Variants in FAM240C observed in about 807,000 individuals in gnomAD.
FAM240C encodes family with sequence similarity 240 member C.
FAM240C carries 14 observed loss-of-function variants against 10.0 expected under a neutral mutation model. The observed-to-expected ratio is 1.40, with a 90% CI of 0.92 to 2.19. The LOEUF (loss-of-function observed/expected upper bound fraction) is 2.19, where lower values mean the gene tolerates loss of function less well. FAM240C is among the 30% of genes most tolerant of loss of function. The probability of loss-of-function intolerance (pLI) is 0.00; values close to 1 mark genes in which losing one functional copy is unlikely to be tolerated. For missense variants in FAM240C, 154 were observed against 122.3 expected (o/e 1.26, Z -1.22); for synonymous variants, 49 against 44.3 (o/e 1.11, Z -0.42).
intron 1 of FAM240C, among the ~76,000 whole-genome samples, chr2:241,899,895 G>A (rs1338669322): frequency 1.2e-4 from 18 of 152,124 alleles, no homozygotes; most frequent in Admixed American, 9.2e-4. Context: ...GTGAAACCCC[G>A]TCTTCACTAA....
intron 1 of FAM240C, chr2:241,899,043 T>A: frequency 9.8e-7 from 1 of 1,025,230 alleles, no homozygotes; most frequent in African/African-American, 1.7e-5. Context: ...GAACACAGGG[T>A]GGCAGGAGCG....
At position 241,894,585 on chromosome 2, in the gene FAM240C, G is replaced by A. The variant is rs889010788; in HGVS notation, c.162-246C>T. 2.8e-5 allele frequency among the ~76,000 whole-genome samples: 4 copies of A among 141,474 alleles called. 1 individual carries two copies. The highest frequency in any genetic ancestry group is 6.3e-5 in the Non-Finnish European group (4 of 63,286). 92.8% of individuals were successfully genotyped at this position (141,474 alleles called of 152,430 possible). On this transcript the variant is annotated intron_variant, in intron 2 of 2. Coordinates refer to ENST00000404031, the MANE Select transcript of FAM240C (RefSeq NM_001382368.1). ...GACCAGTGGTTGGTGGGGGGGGGGGGGGGCGTCTCACTCAGGACCCTCCTC... is the reference window on the plus strand; with the variant it reads ...GACCAGTGGTTGGTGGGGGGGGGGGAGGGCGTCTCACTCAGGACCCTCCTC...
At chr2:241,896,386 A>G (rs948002359) in intron 2 of FAM240C, among the ~76,000 whole-genome samples, 2 of 151,938 alleles carry the variant, frequency 1.3e-5, no homozygotes, top group Non-Finnish European at 2.9e-5. Context: ...CAGATACGTC[A>G]CTCAAGGGCA....
At chr2:241,898,189 T>C (rs1013067855) in intron 1 of FAM240C, among the ~76,000 whole-genome samples, 16 of 152,230 alleles carry the variant, frequency 1.1e-4, no homozygotes, top group African/African-American at 3.4e-4. Flanking sequence ...AATGTTTACT[T>C]TCCAATTATT....
intron 1 of FAM240C, among the ~76,000 whole-genome samples, chr2:241,898,265 C>G (rs1016010079): frequency 1.3e-5 from 2 of 152,146 alleles, no homozygotes; most frequent in African/African-American, 4.8e-5. Flanking sequence ...TCAAGAATGT[C>G]CAAGGCCGGG....
At chr2:241,897,369 C>G (rs1701876848) in intron 1 of FAM240C, 35 bp from the exon 2 acceptor site, 11 of 1,543,194 alleles carry the variant, frequency 7.1e-6, no homozygotes, top group Admixed American at 2.0e-5. Flanking sequence ...GCTCAGTCAC[C>G]TTATGCCATT....
chr2:241,897,295 C>T lies in FAM240C; in HGVS notation c.52G>A (p.Val18Ile), dbSNP rs1378173771. The change falls in exon 2 of 3, where the codon GTA (valine) becomes ATA (isoleucine). Residue 18 changes from valine (V) to isoleucine (I), a missense_variant. Coordinates refer to ENST00000404031, the MANE Select transcript of FAM240C (RefSeq NM_001382368.1). ...KSLTLKNPGRVAYDSGGIKMF... is the reference protein window; with the variant it reads ...KSLTLKNPGRIAYDSGGIKMF... ...TTTATCCCGCCTGAATCGTATGCTA[C>T]TCTTCCAGGATTCTTAAGAGTGAGG... 2 of 1,549,812 alleles carry T rather than the reference C, an allele frequency of 1.3e-6. No individual in the cohort carries two copies. The highest frequency in any genetic ancestry group is 1.2e-5 in the South Asian group (1 of 84,068).
intron 2 of FAM240C, among the ~76,000 whole-genome samples, chr2:241,896,013 T>C (rs1388709332): frequency 6.6e-6 from 1 of 152,076 alleles, no homozygotes; most frequent in Non-Finnish European, 1.5e-5. Context: ...TGCGTGGTGC[T>C]GGGCTCTGTG....
intron 2 of FAM240C, among the ~76,000 whole-genome samples, chr2:241,896,835 T>G (rs149635327): frequency 8.8e-4 from 16 of 18,208 alleles, no homozygotes; most frequent in South Asian, 2.5e-3. Context: ...GTGTGGGTGT[T>G]GGGGTGTGGG....
intron 1 of FAM240C, among the ~76,000 whole-genome samples, chr2:241,899,648 G>A (rs560993900): frequency 6.6e-6 from 1 of 152,376 alleles, no homozygotes; most frequent in South Asian, 2.1e-4. Flanking sequence ...GGGCTTCAGA[G>A]AGCAGCGTGG....
intron 2 of FAM240C, among the ~76,000 whole-genome samples, chr2:241,896,459 G>T (rs1701806213): frequency 6.7e-6 from 1 of 148,644 alleles, no homozygotes; most frequent in Non-Finnish European, 1.5e-5. Flanking sequence ...TGTGATCCTG[G>T]ACGGAGTGTC....
chr2:241,900,285 CT>C lies in FAM240C; in HGVS notation c.12+72del. On this transcript the variant is annotated intron_variant, in intron 1 of 2. Transcript: ENST00000404031. The surrounding 1 kb of genome is among the most constrained non-coding windows in gnomAD (Gnocchi z 4.5). ...CAGATATGTCACATACTCTGTTCAC[CT>C]TTTGGGGGCCCCCAAATGCAGCGCC... 1 of 714,444 alleles carries C rather than the reference CT, an allele frequency of 1.4e-6. No individual in the cohort carries two copies. Among genetic ancestry groups the C allele is most frequent in the Non-Finnish European group, 2.6e-6 (1 of 382,918 alleles). 44.3% of individuals were successfully genotyped at this position (714,444 alleles called of 1,614,324 possible).
intron 2 of FAM240C, among the ~76,000 whole-genome samples, chr2:241,895,157 G>A (rs906191442): frequency 6.6e-5 from 10 of 152,352 alleles, no homozygotes; most frequent in East Asian, 5.8e-4. Flanking sequence ...AGTGTACCCC[G>A]GACGGCTGGG....
intron 2 of FAM240C, among the ~76,000 whole-genome samples, chr2:241,896,907 C>T (rs991575656): frequency 4.6e-5 from 7 of 150,960 alleles, no homozygotes; most frequent in Middle Eastern, 3.4e-3. Context: ...TGTGGTGTTG[C>T]CTGGATAGTG....
At chr2:241,895,534 A>G (rs552340243) in intron 2 of FAM240C, among the ~76,000 whole-genome samples, 7 of 152,334 alleles carry the variant, frequency 4.6e-5, no homozygotes, top group Non-Finnish European at 1.0e-4. Flanking sequence ...TCACACCAGC[A>G]CACGGGACCC....
chr2:241,897,025 C>T (rs1355084287), intron 2 of FAM240C, among the ~76,000 whole-genome samples, 161 bp downstream of exon 2: 4 of 151,914 alleles, frequency 2.6e-5, no homozygotes. Flanking sequence ...CTGTCAGTTT[C>T]CTCCTGGGTT....
chr2:241,896,516 T>A (rs370478014), intron 2 of FAM240C, among the ~76,000 whole-genome samples: 8,439 of 76,024 alleles, frequency 0.11, 108 homozygotes, highest in East Asian at 0.38. Context: ...GGTGTGGGTG[T>A]TGGGGTGTGG....
At chr2:241,895,718 C>T (rs1015498088) in intron 2 of FAM240C, among the ~76,000 whole-genome samples, 2 of 152,146 alleles carry the variant, frequency 1.3e-5, no homozygotes, top group East Asian at 3.9e-4. Flanking sequence ...CCTGAGAGAA[C>T]GCTGGTGCCT....
chr2:241,895,605 A>G (rs946997266), intron 2 of FAM240C, among the ~76,000 whole-genome samples: 2 of 152,198 alleles, frequency 1.3e-5, no homozygotes, highest in African/African-American at 2.4e-5. Flanking sequence ...CGGGAACCCT[A>G]AGAGTGACCT....
Sources: allele counts gnomAD v4.1 joint callset (sites outside exome capture counted in the v4.1 genomes callset), GRCh38; gene constraint gnomAD v4.1.1; non-coding constraint Gnocchi (gnomAD v3.1); transcripts MANE v1.5; gene names NCBI Gene and HGNC (gene_info 2026-07-23, HGNC 2026-07-21).